Variants in WDR70 observed in about 807,000 individuals in gnomAD.
The protein encoded by WDR70 is WD repeat-containing protein 70.
In WDR70, 53 loss-of-function variants were observed where a neutral mutation model predicts 88.6. That is an observed-to-expected ratio of 0.60 (90% confidence interval 0.48 to 0.75). The LOEUF (loss-of-function observed/expected upper bound fraction) is 0.75. Among genes scored for constraint, WDR70 ranks in the 30% least tolerant of loss-of-function variants. WDR70 has a pLI of 0.00. For missense variants in WDR70, 610 were observed against 823.2 expected, an observed-to-expected ratio of 0.74 and a Z score of 3.17; for synonymous variants, 280 against 270.0, an observed-to-expected ratio of 1.04 and a Z score of -0.36.
At chr5:37,521,464 T>C (rs1365487770) in intron 9 of WDR70, among the ~76,000 whole-genome samples, 4 of 152,164 alleles carry the variant, frequency 2.6e-5, no homozygotes, top group African/African-American at 9.7e-5. Flanking sequence ...CTGTACCCAA[T>C]GGGTAGTCTT....
intron 8 of WDR70, among the ~76,000 whole-genome samples, chr5:37,496,252 C>T (rs555771735): frequency 5.9e-5 from 9 of 152,188 alleles, no homozygotes; most frequent in African/African-American, 1.9e-4. Context: ...CTGCCGCCAC[C>T]TGCTAGGGTC....
chr5:37,418,257 A>T lies in WDR70; in HGVS notation c.493-19665A>T, dbSNP rs559052656. 4.6e-5 allele frequency among the ~76,000 whole-genome samples: 7 copies of T among 152,222 alleles called. No individual in the cohort carries two copies. In the South Asian group the frequency reaches 1.2e-3, roughly 27 times the overall value. ...GGATTAAATAAACCTTGACCTAAAA[A>T]TTTTAATTTTATTTTAAGATATTTT... is the stretch of plus-strand genomic sequence containing the variant. On this transcript the variant is annotated intron_variant, in intron 5 of 17. Transcript: ENST00000265107.
chr5:37,659,826 T>C (rs1216137585), intron 10 of WDR70, among the ~76,000 whole-genome samples: 1 of 152,160 alleles, frequency 6.6e-6, no homozygotes, highest in African/African-American at 2.4e-5. Context: ...CCCATCCTCA[T>C]AAACTCATCT....
rs533683887 is a variant in WDR70 at position 37,705,115 on chromosome 5, G to A, written c.1416+2028G>A. Among the ~76,000 whole-genome samples, 4 of 152,266 alleles carry A rather than the reference G, an allele frequency of 2.6e-5. No homozygotes were observed. The South Asian group carries it at 6.2e-4, about 24-fold the overall frequency. On this transcript the variant is annotated intron_variant, in intron 13 of 17. Transcript: ENST00000265107. ...GTGAATTCTGTTCTTGATATGTTGA[G>A]CTTGAAATACCTATAGGACTTCTGT...
chr5:37,570,168 T>C (rs941532950), intron 9 of WDR70, among the ~76,000 whole-genome samples: 1 of 151,900 alleles, frequency 6.6e-6, no homozygotes, highest in African/African-American at 2.4e-5. Flanking sequence ...GAGAAGTAGG[T>C]GAATTCTAGT....
chr5:37,392,875 G>A (rs1748884591), intron 4 of WDR70, among the ~76,000 whole-genome samples: 1 of 151,610 alleles, frequency 6.6e-6, no homozygotes, highest in Non-Finnish European at 1.5e-5. Flanking sequence ...TCCAACTCCT[G>A]ACCTCGTGAT....
At chr5:37,486,098 C>G (rs902104615) in intron 8 of WDR70, among the ~76,000 whole-genome samples, 3 of 151,814 alleles carry the variant, frequency 2.0e-5, no homozygotes, top group Non-Finnish European at 4.4e-5. Flanking sequence ...CTTGCTGAAA[C>G]CTAACTTTTT....
At chr5:37,509,224 A>G (rs960264416) in intron 8 of WDR70, among the ~76,000 whole-genome samples, 1 of 151,832 alleles carries the variant, frequency 6.6e-6, no homozygotes, top group Non-Finnish European at 1.5e-5. Context: ...TATTAATTTG[A>G]GACTTTTCTT....
intron 13 of WDR70, among the ~76,000 whole-genome samples, chr5:37,720,824 T>C (rs1041016816): frequency 4.6e-5 from 7 of 152,170 alleles, no homozygotes; most frequent in Admixed American, 1.3e-4. Flanking sequence ...CCTCACGTGG[T>C]AATGGACCTG....
At chr5:37,713,307 C>A (rs545859916) in intron 13 of WDR70, among the ~76,000 whole-genome samples, 42 of 152,210 alleles carry the variant, frequency 2.8e-4, no homozygotes, top group African/African-American at 9.6e-4. Context: ...ATCATTTAAC[C>A]CCATTACAAG....
chr5:37,475,042 C>T (rs1387171635), intron 7 of WDR70, among the ~76,000 whole-genome samples: 3 of 151,932 alleles, frequency 2.0e-5, no homozygotes, highest in Non-Finnish European at 4.4e-5. Context: ...CCTGAGCCTC[C>T]CGAGTAGCTG....
chr5:37,383,858 C>T (rs147834867), intron 3 of WDR70, among the ~76,000 whole-genome samples: 2,418 of 152,242 alleles, frequency 0.016, 49 homozygotes, highest in African/African-American at 0.048. Flanking sequence ...GCTGGGATTA[C>T]AGGTGTGAGC....
chr5:37,498,503 A>G (rs961709300), intron 8 of WDR70, among the ~76,000 whole-genome samples: 5 of 152,158 alleles, frequency 3.3e-5, no homozygotes, highest in East Asian at 3.8e-4. Flanking sequence ...ATTACATACA[A>G]ATTTACAGAT....
intron 5 of WDR70, among the ~76,000 whole-genome samples, chr5:37,409,186 G>C (rs1185839467): frequency 6.6e-6 from 1 of 152,024 alleles, no homozygotes; most frequent in African/African-American, 2.4e-5. Context: ...TGATCCACCC[G>C]CCTCGGCCTC....
chr5:37,615,309 T>G (rs1744304915), intron 10 of WDR70, among the ~76,000 whole-genome samples: 1 of 151,942 alleles, frequency 6.6e-6, no homozygotes, highest in South Asian at 2.1e-4. Flanking sequence ...AAAAAGTGAT[T>G]TTCCAGAGAG....
chr5:37,750,163 A>T (rs1361866404), intron 17 of WDR70, among the ~76,000 whole-genome samples: 8 of 152,118 alleles, frequency 5.3e-5, no homozygotes, highest in African/African-American at 7.2e-5. Context: ...GTTGTTATGT[A>T]GTTTTGTTGA....
chr5:37,486,732 T>C lies in WDR70; in HGVS notation c.840+6745T>C, dbSNP rs191181553. ...TGCATTTCTCTAATGATCAGTGATA[T>C]TGAGCTTTTTTTCATATGCTTGTTG... On this transcript the variant is annotated intron_variant, in intron 8 of 17. Coordinates refer to ENST00000265107, the MANE Select transcript of WDR70 (RefSeq NM_018034.4). Among the ~76,000 whole-genome samples the C allele has an allele frequency of 5.5e-3, 824 of 150,628 alleles. 11 individuals are homozygous for C. Among genetic ancestry groups the C allele is most frequent in the African/African-American group, 0.019 (780 of 40,990 alleles).
chr5:37,438,659 A>G (rs1371762237), intron 6 of WDR70, among the ~76,000 whole-genome samples: 2 of 152,158 alleles, frequency 1.3e-5, no homozygotes, highest in African/African-American at 4.8e-5. Flanking sequence ...GAAGTAAGAA[A>G]ATACATCCCA....
In WDR70 at chr5:37,443,224, T is replaced by C. The variant is rs768259335; in HGVS notation, c.553-15T>C. 1.3e-6 allele frequency: 2 copies of C among 1,585,740 alleles called. No individual in the cohort carries two copies. The highest frequency in any genetic ancestry group is 1.8e-5 in the Admixed American group (1 of 55,170). On this transcript the variant is annotated splice_polypyrimidine_tract_variant and intron_variant, in intron 6 of 17. Coordinates refer to ENST00000265107, the MANE Select transcript of WDR70 (RefSeq NM_018034.4). ...ATTTTGCTCCGGTCATTTTATTTTA[T>C]TTTTTTAAAACCAGGTGTCTGCTTT...
Sources: allele counts gnomAD v4.1 joint callset (sites outside exome capture counted in the v4.1 genomes callset), GRCh38; gene constraint gnomAD v4.1.1; transcripts MANE v1.5; gene names NCBI Gene and HGNC (gene_info 2026-07-23, HGNC 2026-07-21).